FAM193B: variants seen among roughly 807,000 people sequenced by gnomAD.
The protein encoded by FAM193B is family with sequence similarity 193 member B.
FAM193B carries 27 observed loss-of-function variants against 70.7 expected under a neutral mutation model. That is an observed-to-expected ratio of 0.38 (90% CI 0.28 to 0.53). FAM193B has a LOEUF of 0.53. Ranked by LOEUF, FAM193B falls within the 20% of genes least tolerant of loss-of-function variation. The probability of loss-of-function intolerance (pLI) is 0.81; values close to 1 mark genes in which losing one functional copy is unlikely to be tolerated. For missense variants in FAM193B, 1,022 were observed against 1,072.5 expected, an observed-to-expected ratio of 0.95 and a Z score of 0.66; for synonymous variants, 448 against 436.0, an observed-to-expected ratio of 1.03 and a Z score of -0.34.
At chr5:177,540,190 C>T (rs897811014) in intron 1 of FAM193B, among the ~76,000 whole-genome samples, 4 of 151,836 alleles carry the variant, frequency 2.6e-5, no homozygotes, top group African/African-American at 9.7e-5. Flanking sequence ...ACCTGTAGTC[C>T]CAGCTACTCG....
intron 1 of FAM193B, among the ~76,000 whole-genome samples, chr5:177,548,918 G>A (rs146186293): frequency 2.6e-5 from 4 of 152,102 alleles, no homozygotes; most frequent in Non-Finnish European, 5.9e-5. Flanking sequence ...GATCTCTCCC[G>A]ACTCTCCAAA....
chr5:177,547,839 G>A (rs1186418864), intron 1 of FAM193B, among the ~76,000 whole-genome samples: 1 of 152,202 alleles, frequency 6.6e-6, no homozygotes, highest in Non-Finnish European at 1.5e-5. Flanking sequence ...AAGGGCCTTT[G>A]GTGGAGAATG....
In FAM193B at chr5:177,537,884, G is replaced by T. The variant is rs574022480; in HGVS notation, c.677C>A (p.Pro226His). The T allele has an allele frequency of 4.4e-6, 7 of 1,608,196 alleles. No individual in the cohort carries two copies. The highest frequency in any genetic ancestry group is 5.9e-6 in the Non-Finnish European group (7 of 1,177,030). ...GCCTGGAGACTCACCGGGGATGGTA[G>T]GAGGACTCCCAAGAGAGCTGCCTGG... ...AMPGSSLGSP[P>H]TIPGEAFPVS... is the part of the protein sequence containing the mutation. The change falls in exon 3 of 9, where the codon CCT becomes CAT. Residue 226 changes from proline (P) to histidine (H), a missense_variant. Pro to His is a moderately conservative substitution (Grantham distance 77). Transcript: ENST00000514747.
chr5:177,523,727 A>G (rs1561746869), intron 7 of FAM193B, among the ~76,000 whole-genome samples: 1 of 152,248 alleles, frequency 6.6e-6, no homozygotes, highest in Non-Finnish European at 1.5e-5. Context: ...GGGGCCTGAC[A>G]TGCCTCCTCC....
At chr5:177,551,278 T>G (rs1220468349) in intron 1 of FAM193B, among the ~76,000 whole-genome samples, 1 of 152,192 alleles carries the variant, frequency 6.6e-6, no homozygotes, top group East Asian at 1.9e-4. Context: ...TATTTTTTTT[T>G]TTGTTTGTTT....
At position 177,524,017 on chromosome 5, in the gene FAM193B, G is replaced by C; in HGVS notation, c.2312C>G (p.Pro771Arg). Residue 771 changes from proline to arginine, a missense_variant, in exon 7 of 9, where the codon CCC becomes CGC. Coordinates refer to ENST00000514747, the MANE Select transcript of FAM193B (RefSeq NM_001190946.3). The stretch of plus-strand genomic sequence containing the variant: ...CATCTCCACCCCGTCCATGTCCTTG[G>C]GCAGGAACACATCGTCTAGGAAGAC... ...PASSLDDVFL[P>R]KDMDGVEMDE... is the part of the protein sequence containing the mutation. 6.2e-7 allele frequency: 1 copy of C among 1,614,068 alleles called. No homozygotes were observed. Among genetic ancestry groups the C allele is most frequent in the Non-Finnish European group, 8.5e-7 (1 of 1,179,902 alleles).
intron 1 of FAM193B, chr5:177,539,452 C>T (rs1440884655): frequency 3.3e-6 from 1 of 299,992 alleles, no homozygotes; most frequent in Non-Finnish European, 6.3e-6. Context: ...TCTCTGACAT[C>T]CCCAAATCTT....
At chr5:177,545,687 C>T (rs565515611) in intron 1 of FAM193B, among the ~76,000 whole-genome samples, 78 of 150,570 alleles carry the variant, frequency 5.2e-4, no homozygotes, top group African/African-American at 1.9e-3. Context: ...AGATAGCTCT[C>T]TGGGGGCATG....
At position 177,532,399 on chromosome 5, in the gene FAM193B, T is replaced by C. The variant is rs1395006442; in HGVS notation, c.1275+44A>G. On this transcript the variant is annotated intron_variant, in intron 5 of 8. Coordinates refer to ENST00000514747, the MANE Select transcript of FAM193B (RefSeq NM_001190946.3). The surrounding 1 kb of genome is among the most constrained non-coding windows in gnomAD (Gnocchi z 4.9). ...GAGCAGGGTGCTCCTTTTGCTCACC[T>C]TGGCTGGCCCCCAGCCCTCTCTAGC... is the stretch of plus-strand genomic sequence containing the variant. The C allele has an allele frequency of 6.3e-7, 1 of 1,575,002 alleles. No homozygotes were observed. Among genetic ancestry groups the C allele is most frequent in the East Asian group, 2.3e-5 (1 of 43,466 alleles).
chr5:177,533,339 G>A (rs1763767873), intron 4 of FAM193B, among the ~76,000 whole-genome samples: 1 of 149,162 alleles, frequency 6.7e-6, no homozygotes, highest in Non-Finnish European at 1.5e-5. Context: ...GAGTCTTGCT[G>A]TGTCGCCCAG....
chr5:177,524,272 C>A lies in FAM193B; in HGVS notation c.2209G>T (p.Gly737Cys). 6.3e-7 allele frequency: 1 copy of A among 1,577,694 alleles called. No individual in the cohort carries two copies. Residue 737 changes from glycine to cysteine, a missense_variant, in exon 6 of 9, where the codon GGC (glycine) becomes TGC (cysteine). Coordinates refer to ENST00000514747, the MANE Select transcript of FAM193B (RefSeq NM_001190946.3). ...GGCAAGCTCTGTGGCCTTGCTGGGC[C>A]TGAGGGCTGCACAGACTCCTGCTCC... ...PQEQESVQPS[G>C]PARPQSLPQG...
In FAM193B at chr5:177,532,495, C is replaced by G; in HGVS notation, c.1223G>C (p.Arg408Thr). The change falls in exon 5 of 9, where the codon AGA becomes ACA. Residue 408 changes from arginine (R) to threonine (T), a missense_variant. Arg to Thr is a moderately conservative substitution (Grantham distance 71). Coordinates refer to ENST00000514747, the MANE Select transcript of FAM193B (RefSeq NM_001190946.3). This position sits in a 1 kb window ranked among gnomAD's most constrained non-coding sequence, Gnocchi z 4.9. ...SSCTSSSTHQ[R>T]DGKFCDCCYC... is the part of the protein sequence containing the mutation. ...GCAGCAGTCACAGAACTTCCCATCT[C>G]TCTGGTGGGTGGAGGATGAGGTGCA... 1 of 1,611,894 alleles carries G rather than the reference C, an allele frequency of 6.2e-7. No individual in the cohort carries two copies. Among genetic ancestry groups the G allele is most frequent in the Non-Finnish European group, 8.5e-7 (1 of 1,179,206 alleles).
At chr5:177,545,470 TATTTA>T (rs1765302685) in intron 1 of FAM193B, among the ~76,000 whole-genome samples, 1 of 152,214 alleles carries the variant, frequency 6.6e-6, no homozygotes, top group African/African-American at 2.4e-5. Flanking sequence ...TCAGCTTTAA[TATTTA>T]ATTTGGTAAG....
rs767965803 is a variant in FAM193B, at chr5:177,537,892, C to T, written c.669G>A (p.Gly223=). ...SSGAMPGSSL[G]SPPTIPGEAF... ...ACTCACCGGGGATGGTAGGAGGACT[C>T]CCAAGAGAGCTGCCTGGCATGGCCC... Residue 223 remains glycine (G), a synonymous_variant, in exon 3 of 9, where the codon GGG becomes GGA. Coordinates refer to ENST00000514747, the MANE Select transcript of FAM193B (RefSeq NM_001190946.3). 58 of 1,607,636 alleles carry T rather than the reference C, an allele frequency of 3.6e-5. No homozygotes were observed. Among genetic ancestry groups the T allele is most frequent in the Non-Finnish European group, 4.7e-5 (55 of 1,177,156 alleles).
intron 1 of FAM193B, among the ~76,000 whole-genome samples, chr5:177,548,739 G>A (rs1167456914): frequency 6.6e-6 from 1 of 152,196 alleles, no homozygotes; most frequent in Non-Finnish European, 1.5e-5. Flanking sequence ...AGCAATCACA[G>A]CTGTCTCTCC....
intron 7 of FAM193B, among the ~76,000 whole-genome samples, chr5:177,522,790 C>T (rs934986352): frequency 6.6e-6 from 1 of 152,254 alleles, no homozygotes; most frequent in African/African-American, 2.4e-5. Flanking sequence ...TCTTGGCTTA[C>T]TGCAACCTCT....
Position 177,532,448 on chromosome 5 carries a change from T to C in FAM193B, c.1270A>G (p.Asn424Asp). The C allele has an allele frequency of 6.2e-7, 1 of 1,609,988 alleles. No individual in the cohort carries two copies. The change falls in exon 5 of 9, where the codon AAT becomes GAT. Residue 424 changes from asparagine to aspartate, a missense_variant. Physicochemically the swap from Asn to Asp is conservative, Grantham distance 23. Coordinates refer to ENST00000514747, the MANE Select transcript of FAM193B (RefSeq NM_001190946.3). The surrounding 1 kb of genome is among the most constrained non-coding windows in gnomAD (Gnocchi z 4.9). Reference sequence around the variant, plus strand: ...GCCTGGGCAGGCTCACTCACCGCATTGTGGCCGAAGAACTCACAGTAGCAG... The same window carrying C: ...GCCTGGGCAGGCTCACTCACCGCATCGTGGCCGAAGAACTCACAGTAGCAG... ...DCCYCEFFGH[N>D]AEKEKAQLAA...
chr5:177,549,155 A>G (rs1387862580), intron 1 of FAM193B, among the ~76,000 whole-genome samples: 5 of 151,282 alleles, frequency 3.3e-5, no homozygotes, highest in African/African-American at 1.2e-4. Flanking sequence ...GTTGGACCCT[A>G]ACATTAACCA....
At chr5:177,533,816 G>A (rs1469776624) in intron 4 of FAM193B, among the ~76,000 whole-genome samples, 2 of 152,238 alleles carry the variant, frequency 1.3e-5, no homozygotes, top group East Asian at 3.8e-4. Context: ...GGTACATGGT[G>A]GGTGCAGGCA....
Sources: gnomAD v4.1 joint callset for allele counts (sites outside exome capture counted in the v4.1 genomes callset) on GRCh38, gnomAD v4.1.1 for gene constraint, Gnocchi (gnomAD v3.1) non-coding constraint, MANE v1.5 for transcripts, NCBI Gene and HGNC (gene_info 2026-07-23, HGNC 2026-07-21) for gene names.